Variants in NR4A1 observed in about 807,000 individuals in gnomAD.
The protein encoded by NR4A1 is nuclear receptor subfamily 4immunitygroup A member 1.
A neutral mutation model predicts 47.5 loss-of-function variants in NR4A1; 24 were observed. The observed-to-expected ratio is 0.50, with a 90% CI of 0.37 to 0.71. The LOEUF (loss-of-function observed/expected upper bound fraction) is 0.71. Among genes scored for constraint, NR4A1 ranks in the 30% least tolerant of loss-of-function variants. The pLI is 0.00. For missense variants in NR4A1, 669 were observed against 788.6 expected, an observed-to-expected ratio of 0.85 and a Z score of 1.82; for synonymous variants, 353 against 345.7, an observed-to-expected ratio of 1.02 and a Z score of -0.24.
chr12:52,048,398 T>C (rs1349749657), upstream of NR4A1, among the ~76,000 whole-genome samples: 3 of 151,822 alleles, frequency 2.0e-5, no homozygotes, highest in Non-Finnish European at 4.4e-5. Flanking sequence ...ATCAAGACCA[T>C]CCTGGCTAAC....
chr12:52,052,305 G>A (rs1019796324), intron 1 of NR4A1, among the ~76,000 whole-genome samples: 1,388 of 111,630 alleles, frequency 0.012, 49 homozygotes, highest in Admixed American at 0.088. Context: ...GTGTGTGTGT[G>A]AGAGAGAGAG....
At chr12:52,052,290 TGTGTGTGTGTGTGTGA>T (rs1393519248) in intron 1 of NR4A1, among the ~76,000 whole-genome samples, 1 of 142,556 alleles carries the variant, frequency 7.0e-6, no homozygotes, top group African/African-American at 2.9e-5. Context: ...TGTGTGTGTG[TGTGTGTGTGTGTGTGA>T]GAGAGAGAGA....
At chr12:52,025,376 C>G (rs922104298) in intron 1 of NR4A1, among the ~76,000 whole-genome samples, 2 of 152,134 alleles carry the variant, frequency 1.3e-5, no homozygotes, top group African/African-American at 4.8e-5. Flanking sequence ...CGGCACTGCC[C>G]TCAACCACAT....
At position 52,057,044 on chromosome 12, in the gene NR4A1, A is replaced by G; in HGVS notation, c.1159-13A>G. The G allele has an allele frequency of 6.3e-7, 1 of 1,579,886 alleles. No homozygotes were observed. Among genetic ancestry groups the G allele is most frequent in the African/African-American group, 1.3e-5 (1 of 74,320 alleles). ...CTGCCTGGGGTGCTGACCCCACTGGACCGTCTTCCTAGTTCCAGGAGCTGG... is the reference window on the plus strand; with the variant it reads ...CTGCCTGGGGTGCTGACCCCACTGGGCCGTCTTCCTAGTTCCAGGAGCTGG... On this transcript the variant is annotated splice_polypyrimidine_tract_variant and intron_variant, in intron 4 of 6. Coordinates refer to ENST00000394825, the MANE Select transcript of NR4A1 (RefSeq NM_173157.3).
intron 1 of NR4A1, chr12:52,052,679 A>G (rs1368310307): frequency 9.1e-6 from 9 of 984,572 alleles, no homozygotes; most frequent in Non-Finnish European, 1.1e-5. Context: ...AAGAACCTGC[A>G]TGAAGGGGGA....
intron 1 of NR4A1, among the ~76,000 whole-genome samples, chr12:52,053,012 TC>T (rs1384838346): frequency 6.6e-6 from 1 of 152,138 alleles, no homozygotes. Flanking sequence ...AGAGAGGACT[TC>T]CTGGGCTCTT....
At chr12:52,042,732 G>A (rs549579051) in intron 2 of NR4A1, among the ~76,000 whole-genome samples, 5 of 152,330 alleles carry the variant, frequency 3.3e-5, no homozygotes, top group African/African-American at 1.2e-4. Flanking sequence ...GAGAGGTGGA[G>A]GACGGGAATG....
chr12:52,056,907 T>C, intron 4 of NR4A1, 150 bp from the exon 5 acceptor site: 1 of 846,502 alleles, frequency 1.2e-6, no homozygotes, highest in East Asian at 2.7e-5. Flanking sequence ...CCTGGGTTAA[T>C]ATGTGAGACT....
At chr12:52,043,931 C>T (rs1269151214) in intron 2 of NR4A1, 1 of 1,288,464 alleles carries the variant, frequency 7.8e-7, no homozygotes, top group Non-Finnish European at 1.0e-6. Flanking sequence ...GGGACAGGGA[C>T]ATTGAGGAAT....
At chr12:52,046,383 G>C (rs1938642163) in intron 2 of NR4A1, among the ~76,000 whole-genome samples, 1 of 152,172 alleles carries the variant, frequency 6.6e-6, no homozygotes, top group Non-Finnish European at 1.5e-5. Context: ...TGGTCGGTGA[G>C]GGATGGGTCT....
upstream of NR4A1, among the ~76,000 whole-genome samples, chr12:52,048,428 G>A (rs12578624): frequency 1.0e-3 from 156 of 151,194 alleles, 1 homozygote; most frequent in East Asian, 0.021. Flanking sequence ...CCCCGTCTCT[G>A]CTAAAAATAC....
At chr12:52,030,143 A>G (rs1938089449) in intron 1 of NR4A1, among the ~76,000 whole-genome samples, 1 of 152,226 alleles carries the variant, frequency 6.6e-6, no homozygotes, top group Non-Finnish European at 1.5e-5. Context: ...ATGCTGCTGC[A>G]GGGGCATTTT....
chr12:52,032,039 G>A (rs1938139155), intron 1 of NR4A1, among the ~76,000 whole-genome samples: 1 of 152,078 alleles, frequency 6.6e-6, no homozygotes, highest in East Asian at 1.9e-4. Flanking sequence ...CAAGTGATCC[G>A]CCCGCCTCGG....
rs1346622041 is a variant in NR4A1 at position 52,056,013 on chromosome 12, G to C, written c.877-17G>C. 7 of 1,402,866 alleles carry C rather than the reference G, an allele frequency of 5.0e-6. No homozygotes were observed. The highest frequency in any genetic ancestry group is 1.5e-5 in the African/African-American group (1 of 66,336). 86.9% of individuals were successfully genotyped at this position (1,402,866 alleles called of 1,614,324 possible). A position where few individuals can be genotyped will look rare whatever the true frequency, so the allele number is the denominator to read the frequency against. ...CCCACACTCTGACAGCTTGTTCCGT[G>C]TTGCCCCCCCACCCAGCGCACAGTG... On this transcript the variant is annotated splice_polypyrimidine_tract_variant and intron_variant, in intron 2 of 6. Coordinates refer to ENST00000394825, the MANE Select transcript of NR4A1 (RefSeq NM_173157.3).
chr12:52,030,227 C>T (rs557904457), intron 1 of NR4A1, among the ~76,000 whole-genome samples: 3 of 152,228 alleles, frequency 2.0e-5, no homozygotes, highest in East Asian at 3.9e-4. Context: ...CTCTCTGAGG[C>T]GGGGGTCCCA....
In NR4A1 at chr12:52,054,912, C is replaced by A. The variant is rs371314708; in HGVS notation, c.584C>A (p.Pro195His). The A allele has an allele frequency of 6.8e-6, 11 of 1,614,064 alleles. No homozygotes were observed. Among genetic ancestry groups the A allele is most frequent in the Non-Finnish European group, 9.3e-6 (11 of 1,180,054 alleles). ...QPPAFFSFSP[P>H]TGPSPSLAQS... The stretch of plus-strand genomic sequence containing the variant: ...CCAGCCTTCTTTTCCTTCAGTCCTC[C>A]CACCGGCCCCAGCCCCAGCCTGGCC... The change falls in exon 2 of 7, where the codon CCC becomes CAC. Residue 195 changes from proline (P) to histidine (H), a missense_variant. Physicochemically the swap from Pro to His is moderately conservative, Grantham distance 77. Transcript: ENST00000394825.
At chr12:52,052,497 T>C (rs1352733565) in intron 1 of NR4A1, 1 of 985,280 alleles carries the variant, frequency 1.0e-6, no homozygotes, top group Admixed American at 6.2e-5. Flanking sequence ...ATCTTACAGG[T>C]AGGGTGCAGC....
In NR4A1 at chr12:52,055,175, A is replaced by G. The variant is rs760842135; in HGVS notation, c.847A>G (p.Thr283Ala). The stretch of plus-strand genomic sequence containing the variant: ...TTCATGCCAGCATTATGGTGTCCGC[A>G]CATGTGAGGGCTGCAAGGGCTTCTT... ...NASCQHYGVR[T>A]CEGCKGFFKR... The change falls in exon 2 of 7, where the codon ACA becomes GCA. Residue 283 changes from threonine (T) to alanine (A), a missense_variant. Coordinates refer to ENST00000394825, the MANE Select transcript of NR4A1 (RefSeq NM_173157.3). 9 of 1,613,634 alleles carry G rather than the reference A, an allele frequency of 5.6e-6. No homozygotes were observed. The highest frequency in any genetic ancestry group is 1.3e-5 in the African/African-American group (1 of 75,062).
chr12:52,057,744 T>A (rs1256526004), intron 6 of NR4A1, among the ~76,000 whole-genome samples: 1 of 152,236 alleles, frequency 6.6e-6, no homozygotes, highest in Non-Finnish European at 1.5e-5. Flanking sequence ...AGACAGCCTT[T>A]GGTCCCAGAC....
Sources: gnomAD v4.1 joint callset for allele counts (sites outside exome capture counted in the v4.1 genomes callset) on GRCh38, gnomAD v4.1.1 for gene constraint, MANE v1.5 for transcripts, NCBI Gene and HGNC (gene_info 2026-07-23, HGNC 2026-07-21) for gene names.